Variants in PPFIBP1 observed in about 807,000 individuals in gnomAD.
The protein encoded by PPFIBP1 is PPFIB scaffold protein 1, also known as liprin-beta-1.
A neutral mutation model predicts 137.8 loss-of-function variants in PPFIBP1; 112 were observed. That is an observed-to-expected ratio of 0.81 (90% confidence interval 0.70 to 0.95). PPFIBP1 has a LOEUF of 0.95. Ranked by LOEUF, PPFIBP1 falls within the 40% of genes least tolerant of loss-of-function variation. The pLI, the probability that PPFIBP1 is intolerant of heterozygous loss-of-function variation, is 0.00. For missense variants in PPFIBP1, 1,083 were observed against 1,196.6 expected, an observed-to-expected ratio of 0.91 and a Z score of 1.40; for synonymous variants, 378 against 417.3, an observed-to-expected ratio of 0.91 and a Z score of 1.15.
At chr12:27,645,245 A>G (rs1356981062) in intron 4 of PPFIBP1, among the ~76,000 whole-genome samples, 4 of 152,242 alleles carry the variant, frequency 2.6e-5, no homozygotes, top group Admixed American at 1.3e-4. Context: ...TGTTGAGATT[A>G]TGAGAGACAC....
Position 27,682,423 on chromosome 12 carries a change from C to T in PPFIBP1, c.2083C>T (p.Leu695Phe). Reference protein sequence around the residue: ...GIKHSLHRKKLQLALQALGSE... With the variant: ...GIKHSLHRKKFQLALQALGSE... ...CAAGCATTCACTTCATCGAAAGAAA[C>T]TCCAGCTAGCACTCCAAGCCCTGGG... Residue 695 changes from leucine to phenylalanine, a missense_variant, in exon 23 of 30, where the codon CTC becomes TTC. Transcript: ENST00000228425. 6.2e-7 allele frequency: 1 copy of T among 1,613,942 alleles called. No individual in the cohort carries two copies. Among genetic ancestry groups the T allele is most frequent in the Non-Finnish European group, 8.5e-7 (1 of 1,179,820 alleles).
intron 1 of PPFIBP1, among the ~76,000 whole-genome samples, chr12:27,559,549 ATTCT>A (rs2048990446): frequency 6.6e-6 from 1 of 152,196 alleles, no homozygotes; most frequent in South Asian, 2.1e-4. Context: ...TATTCGCTTA[ATTCT>A]TTATTTACAA....
chr12:27,634,421 C>T lies in PPFIBP1; in HGVS notation c.65-489C>T, dbSNP rs780875285. On this transcript the variant is annotated intron_variant, in intron 3 of 29. Coordinates refer to ENST00000228425, the MANE Select transcript of PPFIBP1 (RefSeq NM_003622.4). The stretch of plus-strand genomic sequence containing the variant: ...TATCTGTCCAGAAATGTCCTATGGG[C>T]ACACCAGTATAATCATTTAATGCAT... Among the ~76,000 whole-genome samples the T allele has an allele frequency of 2.0e-5, 3 of 152,194 alleles. No individual in the cohort carries two copies. The South Asian group carries it at 6.2e-4, about 31-fold the overall frequency.
At chr12:27,635,417 G>T in intron 4 of PPFIBP1, 2 of 532,108 alleles carry the variant, frequency 3.8e-6, no homozygotes. Context: ...GTAAGGGAAA[G>T]AATCTTGCAC....
intron 9 of PPFIBP1, 66 bp from the exon 10 acceptor site, chr12:27,658,750 A>G: frequency 6.7e-7 from 1 of 1,494,048 alleles, no homozygotes. Flanking sequence ...AATAGTAGTG[A>G]TTTAAAAATA....
chr12:27,569,381 A>G (rs2049954272), intron 1 of PPFIBP1, among the ~76,000 whole-genome samples: 1 of 152,210 alleles, frequency 6.6e-6, no homozygotes, highest in Admixed American at 6.5e-5. Flanking sequence ...AAATAGTTGT[A>G]TGGCTATACA....
At chr12:27,685,817 G>A (rs1382688557) in intron 24 of PPFIBP1, among the ~76,000 whole-genome samples, 1 of 151,794 alleles carries the variant, frequency 6.6e-6, no homozygotes, top group East Asian at 1.9e-4. Flanking sequence ...CTGAGTGAAA[G>A]GTATACAGAA....
chr12:27,656,688 G>T lies in PPFIBP1; in HGVS notation c.769G>T (p.Val257Phe). ...AGTAAAAAGGCTACAAGAAAAATTGGTTTGCAAGATGAAAGGAGAAGGGGT... is the reference window on the plus strand; with the variant it reads ...AGTAAAAAGGCTACAAGAAAAATTGTTTTGCAAGATGAAAGGAGAAGGGGT... ...SEVKRLQEKL[V>F]CKMKGEGVEI... The change falls in exon 9 of 30, where the codon GTT (valine) becomes TTT (phenylalanine). Residue 257 changes from valine to phenylalanine, a missense_variant. Coordinates refer to ENST00000228425, the MANE Select transcript of PPFIBP1 (RefSeq NM_003622.4). 1 of 1,612,736 alleles carries T rather than the reference G, an allele frequency of 6.2e-7. No homozygotes were observed. Among genetic ancestry groups the T allele is most frequent in the South Asian group, 1.1e-5 (1 of 91,044 alleles).
intron 1 of PPFIBP1, among the ~76,000 whole-genome samples, chr12:27,540,441 C>A (rs1270961360): frequency 1.3e-5 from 2 of 151,568 alleles, no homozygotes; most frequent in Admixed American, 6.6e-5. Context: ...GTGATTCTTG[C>A]CAGTGACCCT....
At chr12:27,633,837 T>TC (rs1313207226) in intron 3 of PPFIBP1, among the ~76,000 whole-genome samples, 3 of 115,758 alleles carry the variant, frequency 2.6e-5, no homozygotes, top group Non-Finnish European at 5.1e-5. Flanking sequence ...TCCCGTATCT[T>TC]TTTTTTTTTT....
At chr12:27,654,689 T>C (rs1565948589) in intron 7 of PPFIBP1, 33 bp from the exon 8 acceptor site, 1 of 1,599,890 alleles carries the variant, frequency 6.3e-7, no homozygotes, top group African/African-American at 1.3e-5. Flanking sequence ...GTTACCACTT[T>C]CCTAATGTAC....
At position 27,599,617 on chromosome 12, in the gene PPFIBP1, C is replaced by A; in HGVS notation, c.-36+21378C>A. ...CTATTGGTTCTGTATCTCTACAGAA[C>A]CTAGACTAATATAGCTATTTATTTT... On this transcript the variant is annotated intron_variant, in intron 2 of 29. Transcript: ENST00000228425. 7.9e-6 allele frequency: 3 copies of A among 381,278 alleles called. No homozygotes were observed. The Admixed American group carries it at 9.5e-5, about 12-fold the overall frequency. 23.6% of individuals were successfully genotyped at this position (381,278 alleles called of 1,614,324 possible).
intron 10 of PPFIBP1, among the ~76,000 whole-genome samples, chr12:27,659,179 C>T (rs959829370): frequency 2.6e-5 from 4 of 152,254 alleles, no homozygotes; most frequent in African/African-American, 9.6e-5. Flanking sequence ...CGAAAACTCA[C>T]GATTTTAAAG....
chr12:27,632,793 T>C (rs745347757), intron 2 of PPFIBP1, among the ~76,000 whole-genome samples: 34 of 152,198 alleles, frequency 2.2e-4, no homozygotes, highest in Non-Finnish European at 3.8e-4. Context: ...GGAAACACTA[T>C]AGGCACTCAA....
chr12:27,644,038 A>C (rs7136040), intron 4 of PPFIBP1, among the ~76,000 whole-genome samples: 82,604 of 149,828 alleles, frequency 0.55, 23,297 homozygotes, highest in Non-Finnish European at 0.6. Context: ...CATTGCTCTC[A>C]TCTTGCTATA....
intron 1 of PPFIBP1, among the ~76,000 whole-genome samples, chr12:27,575,287 G>A (rs1486359106): frequency 6.6e-6 from 1 of 152,126 alleles, no homozygotes; most frequent in Non-Finnish European, 1.5e-5. Context: ...CCCACATTTG[G>A]CCTTCTTACA....
chr12:27,542,376 A>G (rs767705742), intron 1 of PPFIBP1, among the ~76,000 whole-genome samples: 9 of 152,214 alleles, frequency 5.9e-5, no homozygotes, highest in Non-Finnish European at 1.2e-4. Flanking sequence ...CCAATTCCCC[A>G]TGGATACTGA....
intron 4 of PPFIBP1, among the ~76,000 whole-genome samples, chr12:27,638,988 G>A (rs1964316): frequency 0.59 from 89,295 of 151,870 alleles, 26,789 homozygotes; most frequent in Admixed American, 0.65. Context: ...TTTTACCTGG[G>A]CCAGGGAGAT....
intron 2 of PPFIBP1, among the ~76,000 whole-genome samples, chr12:27,626,466 G>C (rs2138755989): frequency 6.6e-6 from 1 of 152,260 alleles, no homozygotes; most frequent in East Asian, 1.9e-4. Context: ...TAGTGATTGA[G>C]TGCGCCTCAG....
Sources: allele counts gnomAD v4.1 joint callset (sites outside exome capture counted in the v4.1 genomes callset), GRCh38; gene constraint gnomAD v4.1.1; transcripts MANE v1.5; gene names NCBI Gene and HGNC (gene_info 2026-07-23, HGNC 2026-07-21).